CD74: variants seen among roughly 807,000 people sequenced by gnomAD.
CD74 encodes CD74 molecule.
CD74 carries 20 observed loss-of-function variants against 37.1 expected under a neutral mutation model. The observed-to-expected ratio is 0.54, with a 90% CI of 0.38 to 0.78. The LOEUF (loss-of-function observed/expected upper bound fraction) is 0.78. Among genes scored for constraint, CD74 ranks in the 30% least tolerant of loss-of-function variants. The probability of loss-of-function intolerance (pLI) is 0.00; values close to 1 mark genes in which losing one functional copy is unlikely to be tolerated. For missense variants in CD74, 338 were observed against 389.5 expected, an observed-to-expected ratio of 0.87 and a Z score of 1.11; for synonymous variants, 150 against 152.0, an observed-to-expected ratio of 0.99 and a Z score of 0.10.
At position 150,406,298 on chromosome 5, in the gene CD74, A is replaced by AC; in HGVS notation, c.401_402insG (p.Tyr134Ter). ...TCACATGGTCCTCTGTCATGTTGCC[A>AC]TACTTGGTGGCATTCTGCATGGGCT... ...PQGPMQNATK[Y>*]GNMTEDHVMH... Residue 134 changes from tyrosine to a stop codon, truncating the protein, a stop_gained and frameshift_variant, in exon 4 of 9, where the codon TAT becomes TAGT. Coordinates refer to ENST00000009530, the MANE Select transcript of CD74 (RefSeq NM_001025159.3). LOFTEE classifies it high-confidence loss of function. 6.2e-7 allele frequency: 1 copy of AC among 1,613,886 alleles called. No individual in the cohort carries two copies. Among genetic ancestry groups the AC allele is most frequent in the Non-Finnish European group, 8.5e-7 (1 of 1,179,876 alleles).
In CD74 at chr5:150,402,185, A is replaced by T. The variant is rs2151165354; in HGVS notation, c.*55T>A. On this transcript the variant is annotated 3_prime_UTR_variant, in exon 9 of 9. Transcript: ENST00000009530. The surrounding 1 kb of genome is among the most constrained non-coding windows in gnomAD (Gnocchi z 4.2). ...GAGGGGCTGGGGGCTGAAGGGAGCAAGAAAGCTGTAGCTGTGTGGGGCTGG... is the reference window on the plus strand; with the variant it reads ...GAGGGGCTGGGGGCTGAAGGGAGCATGAAAGCTGTAGCTGTGTGGGGCTGG... 1 of 1,583,448 alleles carries T rather than the reference A, an allele frequency of 6.3e-7. No homozygotes were observed. Among genetic ancestry groups the T allele is most frequent in the Non-Finnish European group, 8.6e-7 (1 of 1,164,476 alleles).
In CD74 at chr5:150,401,646, T is replaced by A. The variant is rs1769613032; in HGVS notation, c.*594A>T. 1 of 436,926 alleles carries A rather than the reference T, an allele frequency of 2.3e-6. No homozygotes were observed. Among genetic ancestry groups the A allele is most frequent in the South Asian group, 3.2e-5 (1 of 31,160 alleles). 27.1% of individuals were successfully genotyped at this position (436,926 alleles called of 1,614,324 possible). ...GAGCCAGGAGCCAGAGTGTTCTAAT[T>A]ACTACCTTTTATTCTAATGTGAACC... On this transcript the variant is annotated 3_prime_UTR_variant, in exon 9 of 9. Transcript: ENST00000009530.
Position 150,407,171 on chromosome 5 carries a change from C to G in CD74, c.279G>C (p.Leu93=), listed in dbSNP as rs1303273321. Residue 93 remains leucine, a synonymous_variant, in exon 2 of 9, where the codon CTG becomes CTC. Coordinates refer to ENST00000009530, the MANE Select transcript of CD74 (RefSeq NM_001025159.3). The surrounding 1 kb of genome is among the most constrained non-coding windows in gnomAD (Gnocchi z 4.4). Reference sequence around the variant, plus strand: ...ACGCACGCTTGGGAAGCTTCATGCGCAGGTTCTCCAGCTGCAGGTTCTGGG... The same window carrying G: ...ACGCACGCTTGGGAAGCTTCATGCGGAGGTTCTCCAGCTGCAGGTTCTGGG... ...VTSQNLQLEN[L]RMKLPKPPKP... 4 of 1,613,736 alleles carry G rather than the reference C, an allele frequency of 2.5e-6. No individual in the cohort carries two copies. Among genetic ancestry groups the G allele is most frequent in the Non-Finnish European group, 3.4e-6 (4 of 1,179,916 alleles).
Position 150,406,473 on chromosome 5 carries a change from G to A in CD74, c.379-152C>T, listed in dbSNP as rs574786248. 248 of 691,434 alleles carry A rather than the reference G, an allele frequency of 3.6e-4. 2 individuals are homozygous for A. In the South Asian group the frequency reaches 3.8e-3, roughly 11 times the overall value. 42.8% of individuals were successfully genotyped at this position (691,434 alleles called of 1,614,324 possible). ...CTGCCACCTCCAAACATGAGAGCTC[G>A]AGCAAGTCACTTTAGCTTCCTGCCT... On this transcript the variant is annotated intron_variant, in intron 3 of 8. Coordinates refer to ENST00000009530, the MANE Select transcript of CD74 (RefSeq NM_001025159.3).
chr5:150,409,027 C>T (rs1770167082), intron 1 of CD74, among the ~76,000 whole-genome samples: 1 of 152,152 alleles, frequency 6.6e-6, no homozygotes, highest in Non-Finnish European at 1.5e-5. Flanking sequence ...CGAGACCAGT[C>T]TGGCCAACAT....
chr5:150,412,567 C>T, intron 1 of CD74, 58 bp downstream of exon 1: 1 of 1,310,178 alleles, frequency 7.6e-7, no homozygotes, highest in East Asian at 2.3e-5. Context: ...CTTCCCAGCA[C>T]ATGCGCACGG....
At chr5:150,405,454 G>C in intron 4 of CD74, 2 of 1,203,928 alleles carry the variant, frequency 1.7e-6, no homozygotes, top group Middle Eastern at 3.2e-4. Flanking sequence ...CCTGTGGATG[G>C]CTGCTCAGCT....
Position 150,402,722 on chromosome 5 carries a change from T to G in CD74, c.818-97A>C, listed in dbSNP as rs2151167900. 1 of 1,057,744 alleles carries G rather than the reference T, an allele frequency of 9.5e-7. No individual in the cohort carries two copies. 65.5% of individuals were successfully genotyped at this position (1,057,744 alleles called of 1,614,324 possible). ...GCTTCCCACCTAGCCACAGGCTTAGTGCCTGGGAAAGCAGGTACCCAGGGA... is the reference window on the plus strand; with the variant it reads ...GCTTCCCACCTAGCCACAGGCTTAGGGCCTGGGAAAGCAGGTACCCAGGGA... On this transcript the variant is annotated intron_variant, in intron 7 of 8. Coordinates refer to ENST00000009530, the MANE Select transcript of CD74 (RefSeq NM_001025159.3). The surrounding 1 kb of genome is among the most constrained non-coding windows in gnomAD (Gnocchi z 4.2).
chr5:150,405,905 G>T (rs1769931719), intron 4 of CD74: 1 of 213,064 alleles, frequency 4.7e-6, no homozygotes, highest in African/African-American at 2.2e-5. Flanking sequence ...CTCATGAGTA[G>T]CTGGGATTAC....
In CD74 at chr5:150,407,138, A is replaced by C. The variant is rs1157035014; in HGVS notation, c.298+14T>G. On this transcript the variant is annotated intron_variant, in intron 2 of 8. Coordinates refer to ENST00000009530, the MANE Select transcript of CD74 (RefSeq NM_001025159.3). The surrounding 1 kb of genome is among the most constrained non-coding windows in gnomAD (Gnocchi z 4.4). Reference sequence around the variant, plus strand: ...TGGGAGGTGGGGGGTATCAGGATGTAGGGGTGCACGCACGCTTGGGAAGCT... The same window carrying C: ...TGGGAGGTGGGGGGTATCAGGATGTCGGGGTGCACGCACGCTTGGGAAGCT... The C allele has an allele frequency of 6.2e-7, 1 of 1,610,242 alleles. No homozygotes were observed. Among genetic ancestry groups the C allele is most frequent in the East Asian group, 2.3e-5 (1 of 44,366 alleles).
In CD74 at chr5:150,406,929, G is replaced by A. The variant is rs1770000286; in HGVS notation, c.330C>T (p.Ala110=). 4.5e-6 allele frequency: 7 copies of A among 1,551,794 alleles called. No individual in the cohort carries two copies. The highest frequency in any genetic ancestry group is 6.1e-6 in the Non-Finnish European group (7 of 1,155,448). Residue 110 remains alanine (A), a synonymous_variant, in exon 3 of 9, where the codon GCC becomes GCT. Coordinates refer to ENST00000009530, the MANE Select transcript of CD74 (RefSeq NM_001025159.3). ...PPKPVSKMRM[A]TPLLMQALPM... is the part of the protein sequence containing the mutation. The stretch of plus-strand genomic sequence containing the variant: ...GCAGCGCCTGCATCAGCAGCGGGGT[G>A]GCCATGCGCATCTTGCTCACAGGCT...
rs750622674 is a variant in CD74 at position 150,403,003 on chromosome 5, C to G, written c.817+118G>C. On this transcript the variant is annotated intron_variant, in intron 7 of 8. Transcript: ENST00000009530. The surrounding 1 kb of genome is among the most constrained non-coding windows in gnomAD (Gnocchi z 4.5). Reference sequence around the variant, plus strand: ...GGCTGGACGCATGACTACGTCACTGCCCCCAGGAGCTGCCATCCTGGGTGT... The same window carrying G: ...GGCTGGACGCATGACTACGTCACTGGCCCCAGGAGCTGCCATCCTGGGTGT... 1.3e-6 allele frequency: 1 copy of G among 785,940 alleles called. No individual in the cohort carries two copies. Among genetic ancestry groups the G allele is most frequent in the Admixed American group, 2.4e-5 (1 of 41,796 alleles). 48.7% of individuals were successfully genotyped at this position (785,940 alleles called of 1,614,324 possible).
rs2151167539 is a variant in CD74 at position 150,402,636 on chromosome 5, G to A, written c.818-11C>T. 1 of 1,601,362 alleles carries A rather than the reference G, an allele frequency of 6.2e-7. No individual in the cohort carries two copies. The highest frequency in any genetic ancestry group is 8.5e-7 in the Non-Finnish European group (1 of 1,172,868). On this transcript the variant is annotated splice_polypyrimidine_tract_variant and intron_variant, in intron 7 of 8. Transcript: ENST00000009530. The surrounding 1 kb of genome is among the most constrained non-coding windows in gnomAD (Gnocchi z 4.2). Reference sequence around the variant, plus strand: ...CCAGTTCCAGTGACTCTGCAAAGGAGCAGCAAGTCCGTTTGTCACTTGAAG... The same window carrying A: ...CCAGTTCCAGTGACTCTGCAAAGGAACAGCAAGTCCGTTTGTCACTTGAAG...
At position 150,407,782 on chromosome 5, in the gene CD74, C is replaced by A. The variant is rs1344697009; in HGVS notation, c.126-458G>T. ...TTTGTTTTGTTTTTTGAGACGGAGT[C>A]TTGCTCTGTCGCCCAGGCTGGAGTG... is the stretch of plus-strand genomic sequence containing the variant. On this transcript the variant is annotated intron_variant, in intron 1 of 8. Coordinates refer to ENST00000009530, the MANE Select transcript of CD74 (RefSeq NM_001025159.3). This position sits in a 1 kb window ranked among gnomAD's most constrained non-coding sequence, Gnocchi z 4.4. Among the ~76,000 whole-genome samples the A allele has an allele frequency of 6.6e-6, 1 of 151,896 alleles. No homozygotes were observed. The highest frequency in any genetic ancestry group is 1.5e-5 in the Non-Finnish European group (1 of 68,018).
In CD74 at chr5:150,402,358, G is replaced by A. The variant is rs1769682252; in HGVS notation, c.881-108C>T. 7.6e-6 allele frequency: 7 copies of A among 923,392 alleles called. No individual in the cohort carries two copies. Among genetic ancestry groups the A allele is most frequent in the Non-Finnish European group, 1.2e-5 (7 of 570,772 alleles). 57.2% of individuals were successfully genotyped at this position (923,392 alleles called of 1,614,324 possible). A position where few individuals can be genotyped will look rare whatever the true frequency, so the allele number is the denominator to read the frequency against. On this transcript the variant is annotated intron_variant, in intron 8 of 8. Transcript: ENST00000009530. This position sits in a 1 kb window ranked among gnomAD's most constrained non-coding sequence, Gnocchi z 4.2. ...AGTTAAGGACTGTCCACCCTCCCCT[G>A]CCCCCTGCTCAGGTCCAATAATGAC...
chr5:150,411,133 G>A lies in CD74; in HGVS notation c.125+1492C>T, dbSNP rs114554589. ...GTAAAAAGGGACAACAAAAGTACCT[G>A]ATTCATAGGGTGACTGTAAGAATTA... On this transcript the variant is annotated intron_variant, in intron 1 of 8. Transcript: ENST00000009530. Among the ~76,000 whole-genome samples the A allele has an allele frequency of 7.1e-3, 1,079 of 152,350 alleles. 14 individuals carry two copies. Among genetic ancestry groups the A allele is most frequent in the African/African-American group, 0.025 (1,037 of 41,588 alleles).
Position 150,412,632 on chromosome 5 carries a change from G to A in CD74, c.118C>T (p.Pro40Ser). ...LPMLGRRPGA[P>S]ESKCSRGALY... is the part of the protein sequence containing the mutation. ...CCTGGTGCTCACACATACCTCTCCG[G>A]GGCCCCAGGGCGCCGGCCCAGCATG... Residue 40 changes from proline (P) to serine (S), a missense_variant, in exon 1 of 9, where the codon CCG becomes TCG. Transcript: ENST00000009530. 2 of 1,612,686 alleles carry A rather than the reference G, an allele frequency of 1.2e-6. No individual in the cohort carries two copies. The highest frequency in any genetic ancestry group is 1.7e-6 in the Non-Finnish European group (2 of 1,179,788).
chr5:150,406,804 C>T (rs766623079), intron 3 of CD74, 77 bp downstream of exon 3: 5 of 1,034,284 alleles, frequency 4.8e-6, no homozygotes, highest in Non-Finnish European at 5.5e-6. Flanking sequence ...GCTCTCTTCC[C>T]TGCCCCTCCC....
chr5:150,407,182 G>C lies in CD74; in HGVS notation c.268C>G (p.Leu90Val). ...GGAAGCTTCATGCGCAGGTTCTCCAGCTGCAGGTTCTGGGAGGTGACTGTC... is the reference window on the plus strand; with the variant it reads ...GGAAGCTTCATGCGCAGGTTCTCCACCTGCAGGTTCTGGGAGGTGACTGTC... The part of the protein sequence containing the change: ...KLTVTSQNLQ[L>V]ENLRMKLPKP... The change falls in exon 2 of 9, where the codon CTG (leucine) becomes GTG (valine). Residue 90 changes from leucine (L) to valine (V), a missense_variant. Coordinates refer to ENST00000009530, the MANE Select transcript of CD74 (RefSeq NM_001025159.3). This position sits in a 1 kb window ranked among gnomAD's most constrained non-coding sequence, Gnocchi z 4.4. The C allele has an allele frequency of 6.2e-7, 1 of 1,614,052 alleles. No homozygotes were observed. The highest frequency in any genetic ancestry group is 8.5e-7 in the Non-Finnish European group (1 of 1,179,956).
Sources: gnomAD v4.1 joint callset for allele counts (sites outside exome capture counted in the v4.1 genomes callset) on GRCh38, gnomAD v4.1.1 for gene constraint, Gnocchi (gnomAD v3.1) non-coding constraint, MANE v1.5 for transcripts, NCBI Gene and HGNC (gene_info 2026-07-23, HGNC 2026-07-21) for gene names.